The following PLGRKT variants were observed in gnomAD, a reference collection of about 807,000 sequenced individuals.
PLGRKT encodes plasminogen receptor (KT).
A neutral mutation model predicts 18.5 loss-of-function variants in PLGRKT; 22 were observed. The ratio of observed to expected loss-of-function variants is 1.19; its 90% confidence interval spans 0.85 to 1.70. The LOEUF (loss-of-function observed/expected upper bound fraction) is 1.70, where lower values mean the gene tolerates loss of function less well. Among genes scored for constraint, PLGRKT ranks in the 40% most tolerant of loss-of-function variants. The probability of loss-of-function intolerance (pLI) is 0.00; values close to 1 mark genes in which losing one functional copy is unlikely to be tolerated. For synonymous variants in PLGRKT, 72 were observed against 52.8 expected, an observed-to-expected ratio of 1.36 and a Z score of -1.58; for missense variants, 235 against 174.4, an observed-to-expected ratio of 1.35 and a Z score of -1.96.
chr9:5,385,528 TTC>T (rs1817825893), intron 3 of PLGRKT, among the ~76,000 whole-genome samples: 1 of 151,736 alleles, frequency 6.6e-6, no homozygotes, highest in South Asian at 2.1e-4. Flanking sequence ...CCCTGTCTTG[TTC>T]TGTTTTGATC....
chr9:5,418,282 G>T lies in PLGRKT; in HGVS notation c.81+13615C>A. On this transcript the variant is annotated intron_variant, in intron 3 of 5. Transcript: ENST00000223864. This position sits in a 1 kb window ranked among gnomAD's most constrained non-coding sequence, Gnocchi z 4.2. ...CTCTCAGCACCAAATGGTCAGTGTC[G>T]CCCCCTCATCTTCTCACTGGGATCT... The T allele has an allele frequency of 2.1e-6, 1 of 472,936 alleles. No individual in the cohort carries two copies. The highest frequency in any genetic ancestry group is 2.4e-5 in the South Asian group (1 of 42,372). 29.3% of individuals were successfully genotyped at this position (472,936 alleles called of 1,614,324 possible). A position where few individuals can be genotyped will look rare whatever the true frequency, so the allele number is the denominator to read the frequency against.
chr9:5,368,806 A>G (rs1210107263), intron 3 of PLGRKT, among the ~76,000 whole-genome samples: 1 of 152,194 alleles, frequency 6.6e-6, no homozygotes, highest in East Asian at 1.9e-4. Context: ...ACCACCACAC[A>G]TCTACAACCA....
In PLGRKT at chr9:5,361,786, C is replaced by T. The variant is rs773490141; in HGVS notation, c.184G>A (p.Gly62Ser). The T allele has an allele frequency of 1.3e-5, 21 of 1,612,236 alleles. No homozygotes were observed. Among genetic ancestry groups the T allele is most frequent in the Middle Eastern group, 1.6e-4 (1 of 6,078 alleles). Reference sequence around the variant, plus strand: ...GCTGTTAAAGAGATGGCTGCAAGGCCAAAAAAAGTTCCAAAATATTTGAGG... The same window carrying T: ...GCTGTTAAAGAGATGGCTGCAAGGCTAAAAAAAGTTCCAAAATATTTGAGG... ...EFLKYFGTFFGLAAISLTAGA... is the reference protein window; with the variant it reads ...EFLKYFGTFFSLAAISLTAGA... The change falls in exon 4 of 6, where the codon GGC becomes AGC. Residue 62 changes from glycine to serine, a missense_variant. Coordinates refer to ENST00000223864, the MANE Select transcript of PLGRKT (RefSeq NM_018465.4).
At chr9:5,423,067 T>C (rs1481691093) in intron 3 of PLGRKT, among the ~76,000 whole-genome samples, 1 of 152,236 alleles carries the variant, frequency 6.6e-6, no homozygotes, top group East Asian at 1.9e-4. Context: ...CTCAAAATTC[T>C]GAAGATATGG....
intron 3 of PLGRKT, among the ~76,000 whole-genome samples, chr9:5,371,780 G>A (rs1817522202): frequency 6.6e-6 from 1 of 151,836 alleles, no homozygotes; most frequent in Non-Finnish European, 1.5e-5. Context: ...CAATAAGGGT[G>A]TTTTCATTTA....
At chr9:5,438,205 G>T (rs1819000167), upstream of PLGRKT, among the ~76,000 whole-genome samples, 1 of 152,172 alleles carries the variant, frequency 6.6e-6, no homozygotes. Flanking sequence ...AGAATTGACT[G>T]AAATTACCCA....
chr9:5,408,252 G>A (rs573801288), intron 3 of PLGRKT, among the ~76,000 whole-genome samples: 1 of 152,326 alleles, frequency 6.6e-6, no homozygotes, highest in Admixed American at 6.5e-5. Context: ...GAGACTTGCT[G>A]AATGGTTGTG....
At chr9:5,378,753 A>T (rs960682785) in intron 3 of PLGRKT, among the ~76,000 whole-genome samples, 3 of 150,634 alleles carry the variant, frequency 2.0e-5, no homozygotes, top group Non-Finnish European at 2.9e-5. Context: ...TTGGGAATAC[A>T]AAAAAAAATT....
chr9:5,416,898 T>C (rs186247856), intron 3 of PLGRKT, among the ~76,000 whole-genome samples: 2 of 152,376 alleles, frequency 1.3e-5, no homozygotes, highest in East Asian at 3.9e-4. Context: ...CTACCATTTC[T>C]GGACATCAGA....
intron 3 of PLGRKT, among the ~76,000 whole-genome samples, chr9:5,430,306 CA>C (rs1263433493): frequency 6.6e-6 from 1 of 152,166 alleles, no homozygotes; most frequent in African/African-American, 2.4e-5. Context: ...CTGTAGTTTC[CA>C]AAGGTCTTTG....
chr9:5,408,592 G>A (rs983920069), intron 3 of PLGRKT, among the ~76,000 whole-genome samples: 2 of 152,220 alleles, frequency 1.3e-5, no homozygotes, highest in Admixed American at 1.3e-4. Context: ...AAAATTTGTA[G>A]CATAGCCATG....
intron 3 of PLGRKT, among the ~76,000 whole-genome samples, chr9:5,424,117 T>C (rs984323605): frequency 1.4e-5 from 2 of 138,552 alleles, no homozygotes; most frequent in African/African-American, 5.4e-5. Context: ...ATATAGTCTA[T>C]ATTATAATAT....
intron 3 of PLGRKT, among the ~76,000 whole-genome samples, chr9:5,412,728 A>G (rs1410893591): frequency 6.6e-6 from 1 of 152,248 alleles, no homozygotes; most frequent in Non-Finnish European, 1.5e-5. Flanking sequence ...TTTCTACATC[A>G]AGAATCAAAA....
At chr9:5,393,031 A>T (rs1343338566) in intron 3 of PLGRKT, among the ~76,000 whole-genome samples, 1 of 151,500 alleles carries the variant, frequency 6.6e-6, no homozygotes, top group Non-Finnish European at 1.5e-5. Flanking sequence ...TATTAGAGAC[A>T]GGATTTCACC....
intron 3 of PLGRKT, among the ~76,000 whole-genome samples, chr9:5,371,730 T>G (rs1586705017): frequency 6.6e-6 from 1 of 152,266 alleles, no homozygotes; most frequent in East Asian, 1.9e-4. Context: ...CACTGTCAAC[T>G]GAAGTTGAAG....
chr9:5,365,060 C>G (rs1049224254), intron 3 of PLGRKT, among the ~76,000 whole-genome samples: 2 of 152,100 alleles, frequency 1.3e-5, no homozygotes, highest in African/African-American at 4.8e-5. Flanking sequence ...AATAACAACC[C>G]CTTGCAAACA....
At chr9:5,431,791 A>G in intron 3 of PLGRKT, 106 bp downstream of exon 3, 2 of 640,054 alleles carry the variant, frequency 3.1e-6, no homozygotes, top group South Asian at 3.8e-5. Flanking sequence ...TGCAGCCCAA[A>G]GAACATTTTA....
At chr9:5,424,395 C>T (rs1328266303) in intron 3 of PLGRKT, among the ~76,000 whole-genome samples, 30 of 122,026 alleles carry the variant, frequency 2.5e-4, no homozygotes, top group Non-Finnish European at 3.9e-4. Context: ...TATTATAAAA[C>T]ATAATATATT....
At chr9:5,384,360 G>A in intron 3 of PLGRKT, among the ~76,000 whole-genome samples, 1 of 152,150 alleles carries the variant, frequency 6.6e-6, no homozygotes, top group East Asian at 1.9e-4. Flanking sequence ...TGAAATTTCA[G>A]ATAAAGTTGA....
Sources: allele counts gnomAD v4.1 joint callset (sites outside exome capture counted in the v4.1 genomes callset), GRCh38; gene constraint gnomAD v4.1.1; non-coding constraint Gnocchi (gnomAD v3.1); transcripts MANE v1.5; gene names NCBI Gene and HGNC (gene_info 2026-07-23, HGNC 2026-07-21).